MEIOC: variants seen among roughly 807,000 people sequenced by gnomAD.
MEIOC encodes the protein meiosis specific with coiled-coil domain, also known as meiosis-specific coiled-coil domain-containing protein MEIOC.
MEIOC carries 9 observed loss-of-function variants against 85.3 expected under a neutral mutation model. The observed-to-expected ratio is 0.11, with a 90% CI of 0.06 to 0.18. MEIOC has a LOEUF of 0.18. Among genes scored for constraint, MEIOC ranks in the 10% least tolerant of loss-of-function variants. The pLI is 1.00. For synonymous variants in MEIOC, 365 were observed against 393.7 expected (o/e 0.93, Z 0.86); for missense variants, 898 against 1,129.4 (o/e 0.80, Z 2.94).
At chr17:44,662,199 A>G (rs1204481354) in intron 2 of MEIOC, 118 bp from the exon 3 acceptor site, 37 of 812,390 alleles carry the variant, frequency 4.6e-5, no homozygotes, top group Non-Finnish European at 1.9e-6. Flanking sequence ...CTAAGTCTGC[A>G]TTTGAATGTA....
rs926379286 is a variant in MEIOC, at chr17:44,662,299, A to G, written c.205-18A>G. The G allele has an allele frequency of 2.6e-6, 4 of 1,524,846 alleles. No individual in the cohort carries two copies. The highest frequency in any genetic ancestry group is 3.5e-6 in the Non-Finnish European group (4 of 1,136,794). 94.5% of individuals were successfully genotyped at this position (1,524,846 alleles called of 1,614,324 possible). A position where few individuals can be genotyped will look rare whatever the true frequency, so the allele number is the denominator to read the frequency against. ...TGAAGTTTTGATGTGTCTGATAAAC[A>G]TTTCTTAAAACTTTCAGAGTGAAGA... On this transcript the variant is annotated intron_variant, in intron 2 of 7. Transcript: ENST00000409122.
chr17:44,659,608 A>G (rs1251157914), intron 2 of MEIOC, among the ~76,000 whole-genome samples: 1 of 152,238 alleles, frequency 6.6e-6, no homozygotes, highest in Non-Finnish European at 1.5e-5. Flanking sequence ...TTCAAAATGT[A>G]TTTTAAAATG....
At position 44,665,450 on chromosome 17, in the gene MEIOC, G is replaced by A; in HGVS notation, c.426G>A (p.Leu142=). The A allele has an allele frequency of 6.5e-7, 1 of 1,545,638 alleles. No individual in the cohort carries two copies. Among genetic ancestry groups the A allele is most frequent in the South Asian group, 1.2e-5 (1 of 82,806 alleles). Residue 142 remains leucine, a synonymous_variant, in exon 4 of 8, where the codon TTG becomes TTA. Transcript: ENST00000409122. Reference sequence around the variant, plus strand: ...TATATGGACTTGTGTCTAACATTTTGGAAGAACAAGATAAGTCACAGCCAT... The same window carrying A: ...TATATGGACTTGTGTCTAACATTTTAGAAGAACAAGATAAGTCACAGCCAT... ...TDLYGLVSNI[L]EEQDKSQPYF... is the part of the protein sequence containing the mutation.
At position 44,675,012 on chromosome 17, in the gene MEIOC, G is replaced by C. The variant is rs72488556; in HGVS notation, c.*816G>C. 1.8e-5 allele frequency: 18 copies of C among 984,168 alleles called. No individual in the cohort carries two copies. In the East Asian group the frequency reaches 1.8e-3, roughly 99 times the overall value. The allele number at this position is 984,168 out of a possible 1,614,324, so 61.0% of individuals were successfully genotyped here. ...CTTGATGCACAGTAACTGAAATAATGACTACTGTTTTAATACCCTTAGTTT... is the reference window on the plus strand; with the variant it reads ...CTTGATGCACAGTAACTGAAATAATCACTACTGTTTTAATACCCTTAGTTT... On this transcript the variant is annotated 3_prime_UTR_variant, in exon 8 of 8. Coordinates refer to ENST00000409122, the MANE Select transcript of MEIOC (RefSeq NM_001145080.3).
Position 44,667,483 on chromosome 17 carries a change from C to T in MEIOC, c.1572C>T (p.Asn524=), listed in dbSNP as rs369478803. 1.9e-6 allele frequency: 3 copies of T among 1,613,734 alleles called. No homozygotes were observed. The highest frequency in any genetic ancestry group is 2.5e-6 in the Non-Finnish European group (3 of 1,179,846). Residue 524 remains asparagine (N), a synonymous_variant, in exon 5 of 8, where the codon AAC becomes AAT. Transcript: ENST00000409122. ...SSDFPQLSST[N]LTPNSNLFQK... is the part of the protein sequence containing the mutation. ...ATTTCCCCCAACTATCATCCACAAACTTAACCCCAAATAGCAATTTATTTC... is the reference window on the plus strand; with the variant it reads ...ATTTCCCCCAACTATCATCCACAAATTTAACCCCAAATAGCAATTTATTTC...
chr17:44,675,103 G>C lies in MEIOC; in HGVS notation c.*907G>C. On this transcript the variant is annotated 3_prime_UTR_variant, in exon 8 of 8. Coordinates refer to ENST00000409122, the MANE Select transcript of MEIOC (RefSeq NM_001145080.3). ...TTTTTTAAAGGTTAATCTCTAACTA[G>C]TTTAGCTTGCAATTGGTTAGTGTAT... 1 of 984,936 alleles carries C rather than the reference G, an allele frequency of 1.0e-6. No individual in the cohort carries two copies. The allele number at this position is 984,936 out of a possible 1,614,324, so 61.0% of individuals were successfully genotyped here.
intron 3 of MEIOC, among the ~76,000 whole-genome samples, chr17:44,664,850 T>G (rs1971884841): frequency 6.6e-6 from 1 of 152,154 alleles, no homozygotes; most frequent in Non-Finnish European, 1.5e-5. Context: ...TCTGTTACAT[T>G]TAAGCGACAA....
intron 6 of MEIOC, among the ~76,000 whole-genome samples, chr17:44,671,707 CCATCCTGGCTAA>C (rs1243457436): frequency 6.6e-6 from 1 of 151,860 alleles, no homozygotes; most frequent in African/African-American, 2.4e-5. Flanking sequence ...GAGATCAAGA[CCATCCTGGCTAA>C]CACGGTGAAA....
intron 3 of MEIOC, 89 bp downstream of exon 3, chr17:44,662,560 T>C (rs2144661092): frequency 1.1e-6 from 1 of 918,622 alleles, no homozygotes; most frequent in Non-Finnish European, 1.6e-6. Context: ...TTCCCTACAT[T>C]ATCATTTTAC....
chr17:44,666,001 AT>A (rs1349329819), intron 4 of MEIOC, among the ~76,000 whole-genome samples: 6 of 152,084 alleles, frequency 3.9e-5, no homozygotes, highest in Non-Finnish European at 8.8e-5. Context: ...AGCAAAACAC[AT>A]TTTTTTCATT....
Position 44,667,776 on chromosome 17 carries a change from G to A in MEIOC, c.1865G>A (p.Gly622Asp). 2 of 1,613,884 alleles carry A rather than the reference G, an allele frequency of 1.2e-6. No homozygotes were observed. The highest frequency in any genetic ancestry group is 1.7e-6 in the Non-Finnish European group (2 of 1,179,838). ...PQSGHYDPEE[G>D]PKHLDGLSQN... ...AGTGGACATTATGATCCTGAGGAAG[G>A]TCCAAAGCATTTAGATGGCTTATCA... The change falls in exon 5 of 8, where the codon GGT (glycine) becomes GAT (aspartate). Residue 622 changes from glycine to aspartate, a missense_variant. Coordinates refer to ENST00000409122, the MANE Select transcript of MEIOC (RefSeq NM_001145080.3).
intron 6 of MEIOC, among the ~76,000 whole-genome samples, chr17:44,671,862 C>A (rs1294208622): frequency 6.6e-6 from 1 of 150,476 alleles, no homozygotes; most frequent in South Asian, 2.1e-4. Context: ...GCCGAGATCG[C>A]GCCACTGCAC....
intron 6 of MEIOC, chr17:44,670,478 G>C (rs1157790433): frequency 6.8e-6 from 1 of 147,052 alleles, no homozygotes; most frequent in Non-Finnish European, 1.5e-5. Flanking sequence ...TTGTTTTCCA[G>C]CTTGATGAGC....
chr17:44,669,589 G>T, intron 6 of MEIOC, 72 bp downstream of exon 6: 2 of 1,465,610 alleles, frequency 1.4e-6, no homozygotes, highest in Non-Finnish European at 1.9e-6. Context: ...GCCAGGCGTG[G>T]TGGCTCACTC....
chr17:44,669,503 C>T lies in MEIOC; in HGVS notation c.2443C>T (p.Arg815Ter). 1 of 1,552,530 alleles carries T rather than the reference C, an allele frequency of 6.4e-7. No homozygotes were observed. Among genetic ancestry groups the T allele is most frequent in the Non-Finnish European group, 8.7e-7 (1 of 1,147,400 alleles). ...RVDRLIVDEL[R>*]ELARVVTLLG... ...TGATCGCTTAATTGTGGATGAACTT[C>T]GAGAACTAGCCAGAGTAAGCTGTAA... The change falls in exon 6 of 8, where the codon CGA (arginine) becomes TGA (stop). Residue 815 changes from arginine to a stop codon, truncating the protein, a stop_gained. Transcript: ENST00000409122. LOFTEE classifies it high-confidence loss of function.
In MEIOC at chr17:44,666,606, T is replaced by A; in HGVS notation, c.695T>A (p.Leu232His). 6.2e-7 allele frequency: 1 copy of A among 1,610,968 alleles called. No homozygotes were observed. Reference sequence around the variant, plus strand: ...CATCATGGATTTACTGGTTTAGATCTTGAAGAACAATGGATGTACCCCTCA... The same window carrying A: ...CATCATGGATTTACTGGTTTAGATCATGAAGAACAATGGATGTACCCCTCA... ...ELHHGFTGLDLEEQWMYPSRS... is the reference protein window; with the variant it reads ...ELHHGFTGLDHEEQWMYPSRS... The change falls in exon 5 of 8, where the codon CTT becomes CAT. Residue 232 changes from leucine to histidine, a missense_variant. Transcript: ENST00000409122.
chr17:44,666,588 G>A lies in MEIOC; in HGVS notation c.677G>A (p.Gly226Glu). Reference sequence around the variant, plus strand: ...CAAAAAATAGATGAACTTCATCATGGATTTACTGGTTTAGATCTTGAAGAA... The same window carrying A: ...CAAAAAATAGATGAACTTCATCATGAATTTACTGGTTTAGATCTTGAAGAA... ...PQQKIDELHH[G>E]FTGLDLEEQW... Residue 226 changes from glycine (G) to glutamate (E), a missense_variant, in exon 5 of 8, where the codon GGA becomes GAA. Around this residue, in one of 2 missense-constraint regions of MEIOC, gnomAD observed 734 missense variants for 860.1 expected, o/e 0.85. Coordinates refer to ENST00000409122, the MANE Select transcript of MEIOC (RefSeq NM_001145080.3). The A allele has an allele frequency of 6.2e-7, 1 of 1,610,728 alleles. No individual in the cohort carries two copies. Among genetic ancestry groups the A allele is most frequent in the Non-Finnish European group, 8.5e-7 (1 of 1,178,228 alleles).
intron 2 of MEIOC, among the ~76,000 whole-genome samples, chr17:44,661,802 C>T (rs949136429): frequency 1.3e-5 from 2 of 152,108 alleles, no homozygotes; most frequent in African/African-American, 2.4e-5. Flanking sequence ...CCTCGGCCTC[C>T]CAAAGTGCTG....
In MEIOC at chr17:44,668,091, G is replaced by A. The variant is rs143842546; in HGVS notation, c.2180G>A (p.Gly727Asp). 493 of 1,613,596 alleles carry A rather than the reference G, an allele frequency of 3.1e-4. No individual in the cohort carries two copies. The highest frequency in any genetic ancestry group is 3.8e-4 in the Non-Finnish European group (448 of 1,179,656). Residue 727 changes from glycine to aspartate, a missense_variant, in exon 5 of 8, where the codon GGT (glycine) becomes GAT (aspartate). Physicochemically the swap from Gly to Asp is moderately conservative, Grantham distance 94 (BLOSUM62 -1). Around this residue, in one of 2 missense-constraint regions of MEIOC, gnomAD observed 734 missense variants for 860.1 expected, o/e 0.85. Transcript: ENST00000409122. ...HLYPYFNMMY[G>D]DNSFSGLMPT... is the part of the protein sequence containing the mutation. ...TACCCTTATTTTAATATGATGTATG[G>A]TGATAATTCTTTTTCTGGTCTCATG... is the stretch of plus-strand genomic sequence containing the variant.
Sources: allele counts gnomAD v4.1 joint callset (sites outside exome capture counted in the v4.1 genomes callset), GRCh38; gene constraint gnomAD v4.1.1; regional missense constraint gnomAD v4.1.1; transcripts MANE v1.5; gene names NCBI Gene and HGNC (gene_info 2026-07-23, HGNC 2026-07-21).